Variants in GBE1 observed in about 807,000 individuals in gnomAD.
GBE1 encodes 1,4-alpha-glucan branching enzyme 1.
GBE1 carries 70 observed loss-of-function variants against 88.8 expected under a neutral mutation model. The ratio of observed to expected loss-of-function variants is 0.79; its 90% CI spans 0.65 to 0.96. The LOEUF is 0.96. GBE1 is among the 40% of genes least tolerant of loss of function. The probability of loss-of-function intolerance (pLI) is 0.00; values close to 1 mark genes in which losing one functional copy is unlikely to be tolerated. For missense variants in GBE1, 872 were observed against 871.0 expected, an observed-to-expected ratio of 1.00 and a Z score of -0.01; for synonymous variants, 284 against 300.1, an observed-to-expected ratio of 0.95 and a Z score of 0.56.
At chr3:81,504,108 A>G (rs1294504339) in intron 14 of GBE1, among the ~76,000 whole-genome samples, 1 of 152,144 alleles carries the variant, frequency 6.6e-6, no homozygotes, top group Non-Finnish European at 1.5e-5. Flanking sequence ...GCCATTCATG[A>G]AGAATCCTCC....
chr3:81,673,936 C>CA (rs913030628), intron 2 of GBE1, among the ~76,000 whole-genome samples: 30 of 151,642 alleles, frequency 2.0e-4, no homozygotes, highest in African/African-American at 6.8e-4. Flanking sequence ...TACCCCCACC[C>CA]AAAAAAATCC....
chr3:81,524,832 C>G (rs903535951), intron 14 of GBE1, among the ~76,000 whole-genome samples: 1 of 151,874 alleles, frequency 6.6e-6, no homozygotes, highest in Non-Finnish European at 1.5e-5. Flanking sequence ...AATTTGAAGT[C>G]AGGTAATGTG....
At chr3:81,666,022 T>TAAA (rs1705109946) in intron 3 of GBE1, among the ~76,000 whole-genome samples, 1 of 152,182 alleles carries the variant, frequency 6.6e-6, no homozygotes, top group Non-Finnish European at 1.5e-5. Flanking sequence ...TGCTAATTTA[T>TAAA]ACCTTGTAGA....
intron 3 of GBE1, among the ~76,000 whole-genome samples, chr3:81,653,477 C>A (rs62267081): frequency 0.026 from 3,892 of 151,870 alleles, 62 homozygotes; most frequent in Non-Finnish European, 0.034. Flanking sequence ...CAGAGAAAGA[C>A]CCTGTCTACA....
intron 12 of GBE1, among the ~76,000 whole-genome samples, chr3:81,566,178 G>C (rs1353346766): frequency 6.6e-6 from 1 of 152,162 alleles, no homozygotes; most frequent in African/African-American, 2.4e-5. Context: ...TAAAACAGGA[G>C]AACTTTCCTA....
intron 1 of GBE1, among the ~76,000 whole-genome samples, chr3:81,723,109 G>A (rs1706058565): frequency 6.6e-6 from 1 of 151,568 alleles, no homozygotes; most frequent in Admixed American, 6.6e-5. Context: ...GGTTGGTAAG[G>A]CTTCTCTAGT....
intron 1 of GBE1, among the ~76,000 whole-genome samples, chr3:81,712,850 A>T (rs938188653): frequency 6.6e-6 from 1 of 152,146 alleles, no homozygotes; most frequent in Non-Finnish European, 1.5e-5. Flanking sequence ...TCAGTCTTTA[A>T]AAAGACTGCA....
chr3:81,698,806 C>A (rs1705642353), intron 2 of GBE1, among the ~76,000 whole-genome samples: 1 of 152,056 alleles, frequency 6.6e-6, no homozygotes. Context: ...ATCTGTTAAG[C>A]AAAAGTAAGT....
chr3:81,621,952 T>C (rs1287801763), intron 7 of GBE1, among the ~76,000 whole-genome samples: 1 of 152,198 alleles, frequency 6.6e-6, no homozygotes, highest in African/African-American at 2.4e-5. Context: ...ATACTTCACC[T>C]ACTTTTTTAT....
At position 81,536,945 on chromosome 3, in the gene GBE1, A is replaced by G; in HGVS notation, c.1769T>C (p.Leu590Ser). The G allele has an allele frequency of 1.3e-6, 2 of 1,583,752 alleles. No homozygotes were observed. The highest frequency in any genetic ancestry group is 1.7e-6 in the Non-Finnish European group (2 of 1,167,322). ...LNNFDRDMNR[L>S]EERYGWLAAP... The stretch of plus-strand genomic sequence containing the variant: ...TGCAAGCCAACCATATCTTTCTTCC[A>G]ATCTATTCATATCCCTGTCAAAATT... The change falls in exon 13 of 16, where the codon TTG becomes TCG. Residue 590 changes from leucine (L) to serine (S), a missense_variant. Transcript: ENST00000429644.
intron 2 of GBE1, among the ~76,000 whole-genome samples, chr3:81,671,362 T>C (rs909798599): frequency 7.9e-5 from 12 of 152,072 alleles, no homozygotes; most frequent in African/African-American, 2.9e-4. Context: ...TCATATAACA[T>C]TTACTGAATT....
At chr3:81,516,381 C>A (rs969416826) in intron 14 of GBE1, among the ~76,000 whole-genome samples, 2 of 151,496 alleles carry the variant, frequency 1.3e-5, no homozygotes, top group African/African-American at 4.8e-5. Flanking sequence ...TTTACTGAGC[C>A]TGTAAGCCCA....
chr3:81,582,163 T>TA (rs1703740216), intron 10 of GBE1, among the ~76,000 whole-genome samples: 1 of 152,062 alleles, frequency 6.6e-6, no homozygotes, highest in Non-Finnish European at 1.5e-5. Context: ...TATGAGAACA[T>TA]AAGCAGTTCT....
chr3:81,660,108 T>C (rs1428415428), intron 3 of GBE1, among the ~76,000 whole-genome samples: 3 of 152,204 alleles, frequency 2.0e-5, no homozygotes, highest in African/African-American at 4.8e-5. Flanking sequence ...GTTTGTATTA[T>C]GGGAAAGAGA....
intron 1 of GBE1, among the ~76,000 whole-genome samples, chr3:81,710,232 C>CTTTTTTTTTTTTTTTTTTTTTTTTT (rs397990331): frequency 1.1e-5 from 1 of 93,206 alleles, no homozygotes; most frequent in African/African-American, 4.6e-5. Flanking sequence ...GGTAATTAAT[C>CTTTTTTTTTTTTTTTTTTTTTTTTT]TTTTTTTTTT....
At chr3:81,585,662 T>C (rs942027551) in intron 10 of GBE1, among the ~76,000 whole-genome samples, 17 of 152,196 alleles carry the variant, frequency 1.1e-4, no homozygotes, top group African/African-American at 4.1e-4. Context: ...AAGGAATGGA[T>C]GAATCCAATC....
At chr3:81,751,172 C>T (rs549880980) in intron 1 of GBE1, among the ~76,000 whole-genome samples, 2 of 152,192 alleles carry the variant, frequency 1.3e-5, no homozygotes, top group East Asian at 1.9e-4. Flanking sequence ...CCATAACCAG[C>T]GGCTGGTAAT....
At chr3:81,732,702 T>A (rs974389232) in intron 1 of GBE1, among the ~76,000 whole-genome samples, 1 of 152,176 alleles carries the variant, frequency 6.6e-6, no homozygotes, top group Non-Finnish European at 1.5e-5. Context: ...TAGCCATAAC[T>A]AGTCGTCCTG....
Position 81,490,055 on chromosome 3 carries a change from A to C in GBE1, c.*352T>G, listed in dbSNP as rs1559621758. 1 of 222,728 alleles carries C rather than the reference A, an allele frequency of 4.5e-6. No homozygotes were observed. Among genetic ancestry groups the C allele is most frequent in the Admixed American group, 6.1e-5 (1 of 16,420 alleles). The allele number at this position is 222,728 out of a possible 1,614,324, so 13.8% of individuals were successfully genotyped here. A position where few individuals can be genotyped will look rare whatever the true frequency, so the allele number is the denominator to read the frequency against. ...ATCTTAAATACTGTGTACATTTAAC[A>C]GAAATAATCATACATGACAAATGAT... On this transcript the variant is annotated 3_prime_UTR_variant, in exon 16 of 16. Transcript: ENST00000429644.
Sources: gnomAD v4.1 joint callset for allele counts (sites outside exome capture counted in the v4.1 genomes callset) on GRCh38, gnomAD v4.1.1 for gene constraint, MANE v1.5 for transcripts, NCBI Gene and HGNC (gene_info 2026-07-23, HGNC 2026-07-21) for gene names.